The following NME7 variants were observed in gnomAD, a reference collection of about 807,000 sequenced individuals.
NME7 encodes the protein NME/NM23 family member 7.
Under a neutral mutation model 49.1 loss-of-function variants are expected in NME7, and 41 were observed. The ratio of observed to expected loss-of-function variants is 0.83; its 90% CI spans 0.65 to 1.08. The LOEUF is 1.08. NME7 is among the 50% of genes least tolerant of loss of function. NME7 has a pLI of 0.00. For synonymous variants in NME7, 139 were observed against 150.6 expected, an observed-to-expected ratio of 0.92 and a Z score of 0.56; for missense variants, 423 against 463.4, an observed-to-expected ratio of 0.91 and a Z score of 0.80.
At chr1:169,192,387 T>C (rs1660258403) in intron 10 of NME7, among the ~76,000 whole-genome samples, 1 of 152,218 alleles carries the variant, frequency 6.6e-6, no homozygotes, top group Non-Finnish European at 1.5e-5. Flanking sequence ...ACTTTTTTTC[T>C]TATTATTCCC....
chr1:169,152,161 T>C (rs1228327300), intron 11 of NME7, among the ~76,000 whole-genome samples: 2 of 152,164 alleles, frequency 1.3e-5, no homozygotes, highest in Non-Finnish European at 2.9e-5. Context: ...TAGCCTTTCC[T>C]TTGACTCTAC....
At chr1:169,350,347 G>C (rs1367474170) in intron 1 of NME7, among the ~76,000 whole-genome samples, 2 of 152,008 alleles carry the variant, frequency 1.3e-5, no homozygotes, top group Non-Finnish European at 2.9e-5. Context: ...CCAACTCAGA[G>C]AGCCAGACAG....
chr1:169,200,781 ATTC>A (rs1269868824), intron 10 of NME7, among the ~76,000 whole-genome samples: 1 of 151,986 alleles, frequency 6.6e-6, no homozygotes, highest in African/African-American at 2.4e-5. Context: ...ATTTCCCCCT[ATTC>A]TTCTGTTTCC....
At chr1:169,169,669 T>C in intron 10 of NME7, 115 bp from the exon 11 acceptor site, 1 of 886,070 alleles carries the variant, frequency 1.1e-6, no homozygotes, top group Non-Finnish European at 1.7e-6. Flanking sequence ...ATATAGACAG[T>C]GCTTATAAGG....
At chr1:169,180,092 T>G (rs1659882699) in intron 10 of NME7, among the ~76,000 whole-genome samples, 1 of 152,202 alleles carries the variant, frequency 6.6e-6, no homozygotes, top group Non-Finnish European at 1.5e-5. Context: ...TAGGTTTATT[T>G]GTCCTAGAGT....
intron 10 of NME7, among the ~76,000 whole-genome samples, chr1:169,228,683 CAAAAAAAAAAAAA>C (rs747705690): frequency 1.2e-4 from 11 of 90,408 alleles, no homozygotes; most frequent in Non-Finnish European, 6.2e-5. Flanking sequence ...GACTCCGTCT[CAAAAAAAAAAAAA>C]AAAAAAAAAA....
In NME7 at chr1:169,238,477, G is replaced by GCACACGCA. The variant is rs377689410; in HGVS notation, c.755-791_755-790insTGCGTGTG. ...GTCTCTTACACATACATGCACAAAG[G>GCACACGCA]CACACACACACACACACACACACAC... On this transcript the variant is annotated intron_variant, in intron 7 of 11. Coordinates refer to ENST00000367811, the MANE Select transcript of NME7 (RefSeq NM_013330.5). Among the ~76,000 whole-genome samples the GCACACGCA allele has an allele frequency of 9.8e-4, 122 of 124,150 alleles. 1 individual carries two copies. Among genetic ancestry groups the GCACACGCA allele is most frequent in the African/African-American group, 3.3e-3 (114 of 34,566 alleles). 81.4% of individuals were successfully genotyped at this position (124,150 alleles called of 152,430 possible).
chr1:169,317,438 G>T (rs1221864397), intron 3 of NME7, among the ~76,000 whole-genome samples: 1 of 152,188 alleles, frequency 6.6e-6, no homozygotes, highest in African/African-American at 2.4e-5. Context: ...TTACACTGTT[G>T]TTGGGTCTAT....
chr1:169,288,979 T>TCTGTTCC (rs149914762), intron 6 of NME7, among the ~76,000 whole-genome samples: 13,277 of 152,114 alleles, frequency 0.087, 856 homozygotes, highest in African/African-American at 0.18. Context: ...TTCCCATTGG[T>TCTGTTCC]CTGTTCCCTT....
chr1:169,149,994 C>T (rs899909558), intron 11 of NME7, among the ~76,000 whole-genome samples: 2 of 152,162 alleles, frequency 1.3e-5, no homozygotes, highest in African/African-American at 2.4e-5. Flanking sequence ...TTCTTAATCA[C>T]TTCCATTCAA....
intron 7 of NME7, among the ~76,000 whole-genome samples, chr1:169,243,381 A>G (rs1037013490): frequency 3.9e-5 from 6 of 152,256 alleles, no homozygotes; most frequent in African/African-American, 1.4e-4. Flanking sequence ...CAATGAAAGG[A>G]TAACACAAAT....
chr1:169,264,525 C>G (rs1311986376), intron 7 of NME7, among the ~76,000 whole-genome samples: 1 of 133,218 alleles, frequency 7.5e-6, no homozygotes, highest in Non-Finnish European at 1.8e-5. Context: ...GTAAAGGGTC[C>G]AATTCAACAA....
intron 10 of NME7, among the ~76,000 whole-genome samples, chr1:169,205,181 AG>A (rs1660640179): frequency 1.3e-5 from 2 of 152,098 alleles, no homozygotes; most frequent in Admixed American, 1.3e-4. Flanking sequence ...CCACACTTTT[AG>A]TTTTTTCATT....
intron 4 of NME7, among the ~76,000 whole-genome samples, chr1:169,304,815 G>A (rs1401091720): frequency 6.6e-6 from 1 of 152,106 alleles, no homozygotes; most frequent in Non-Finnish European, 1.5e-5. Context: ...ACTACTAACT[G>A]TAGAACAACA....
At chr1:169,349,505 G>C (rs528215988) in intron 1 of NME7, among the ~76,000 whole-genome samples, 1 of 152,008 alleles carries the variant, frequency 6.6e-6, no homozygotes, top group East Asian at 1.9e-4. Context: ...AATTCCTTTC[G>C]CTTGCTTTCT....
chr1:169,324,436 C>G lies in NME7; in HGVS notation c.68G>C (p.Arg23Pro). 2 of 1,613,350 alleles carry G rather than the reference C, an allele frequency of 1.2e-6. No individual in the cohort carries two copies. The highest frequency in any genetic ancestry group is 1.7e-6 in the Non-Finnish European group (2 of 1,179,494). The change falls in exon 2 of 12, where the codon CGT becomes CCT. Residue 23 changes from arginine to proline, a missense_variant. Arg to Pro is a moderately radical substitution (Grantham distance 103). Transcript: ENST00000367811. ...CCCTGGGTAAAATAAAAGCTCATAA[C>G]GTCGAAGAAGTGAAGCATTTGGATC... ...WYDPNASLLR[R>P]YELLFYPGDG...
chr1:169,238,182 ATAG>A (rs2101829121), intron 7 of NME7, among the ~76,000 whole-genome samples: 1 of 152,116 alleles, frequency 6.6e-6, no homozygotes, highest in African/African-American at 2.4e-5. Flanking sequence ...TTATACAGGG[ATAG>A]GAGAGAAGGC....
At chr1:169,277,204 C>A (rs1439180792) in intron 7 of NME7, among the ~76,000 whole-genome samples, 5 of 148,218 alleles carry the variant, frequency 3.4e-5, no homozygotes, top group Admixed American at 6.8e-5. Flanking sequence ...CTATTAGGTC[C>A]GCTTGGTGCA....
At chr1:169,136,140 T>C (rs1658422751) in intron 11 of NME7, among the ~76,000 whole-genome samples, 1 of 152,128 alleles carries the variant, frequency 6.6e-6, no homozygotes, top group Admixed American at 6.5e-5. Context: ...GATATAGTCA[T>C]TACTTGGTCT....
Sources: allele counts gnomAD v4.1 joint callset (sites outside exome capture counted in the v4.1 genomes callset), GRCh38; gene constraint gnomAD v4.1.1; transcripts MANE v1.5; gene names NCBI Gene and HGNC (gene_info 2026-07-23, HGNC 2026-07-21).